NXPE2: variants seen among roughly 807,000 people sequenced by gnomAD.
NXPE2 encodes the protein neurexophilin and PC-esterase domain family member 2.
A neutral mutation model predicts 34.4 loss-of-function variants in NXPE2; 34 were observed. The observed-to-expected ratio is 0.99, with a 90% CI of 0.75 to 1.31. NXPE2 has a LOEUF of 1.31. Among genes scored for constraint, NXPE2 ranks in the 40% most tolerant of loss-of-function variants. NXPE2 has a pLI of 0.00. For synonymous variants in NXPE2, 235 were observed against 231.3 expected (o/e 1.02, Z -0.15); for missense variants, 649 against 672.5 (o/e 0.97, Z 0.39).
At chr11:114,675,685 T>C (rs1454758646), upstream of NXPE2, among the ~76,000 whole-genome samples, 1 of 151,982 alleles carries the variant, frequency 6.6e-6, no homozygotes, top group Non-Finnish European at 1.5e-5. Context: ...CAAAACATTC[T>C]ACAGATTTAA....
the NXPE2 span, chr11:114,583,748 T>C: frequency 2.0e-6 from 1 of 503,504 alleles, no homozygotes; most frequent in Admixed American, 2.2e-5. Flanking sequence ...ACTGCTAAAG[T>C]ATCACCAGAG....
the NXPE2 span, among the ~76,000 whole-genome samples, chr11:114,524,024 C>T: frequency 1.3e-5 from 2 of 152,216 alleles, no homozygotes; most frequent in East Asian, 1.9e-4. Context: ...GTGTCAGGGA[C>T]TCTTGTTCCT....
the NXPE2 span, among the ~76,000 whole-genome samples, chr11:114,561,150 G>T: frequency 6.6e-6 from 1 of 152,146 alleles, no homozygotes; most frequent in African/African-American, 2.4e-5. Flanking sequence ...TAGTTTTGAA[G>T]ATCACAAGTA....
chr11:114,544,789 A>T, the NXPE2 span, among the ~76,000 whole-genome samples: 1 of 152,194 alleles, frequency 6.6e-6, no homozygotes, highest in Non-Finnish European at 1.5e-5. Context: ...GAGATAAGCC[A>T]TAGAGTGTGA....
the NXPE2 span, among the ~76,000 whole-genome samples, chr11:114,472,556 A>C: frequency 2.0e-5 from 3 of 152,330 alleles, 1 homozygote; most frequent in Middle Eastern, 0.01. Context: ...GCAGGCTGCT[A>C]TAACAAAATA....
At chr11:114,653,313 G>A in the NXPE2 span, among the ~76,000 whole-genome samples, 5 of 152,300 alleles carry the variant, frequency 3.3e-5, no homozygotes, top group Middle Eastern at 6.8e-3. Context: ...CAAGAAAGCA[G>A]CAGCCATCTC....
chr11:114,722,943 G>C, the NXPE2 span, among the ~76,000 whole-genome samples: 1 of 152,074 alleles, frequency 6.6e-6, no homozygotes, highest in Non-Finnish European at 1.5e-5. Context: ...GAAAATGAAA[G>C]CTCTTTCTCA....
chr11:114,795,005 A>G, the NXPE2 span, among the ~76,000 whole-genome samples: 1 of 152,226 alleles, frequency 6.6e-6, no homozygotes, highest in Non-Finnish European at 1.5e-5. Flanking sequence ...CAACAAGATG[A>G]TGCCTAAAAA....
chr11:114,469,524 C>T, the NXPE2 span, among the ~76,000 whole-genome samples: 1 of 151,704 alleles, frequency 6.6e-6, no homozygotes, highest in Non-Finnish European at 1.5e-5. Context: ...GAGTCTCGCA[C>T]TCTCGCCTGG....
the NXPE2 span, among the ~76,000 whole-genome samples, chr11:114,642,409 G>A: frequency 2.0e-5 from 3 of 151,908 alleles, no homozygotes; most frequent in Non-Finnish European, 4.4e-5. Context: ...TTCTCCTAAT[G>A]CTATCCCTCC....
chr11:114,678,651 G>T, intron 1 of NXPE2, 50 bp downstream of exon 1: 1 of 1,422,332 alleles, frequency 7.0e-7, no homozygotes, highest in Non-Finnish European at 9.7e-7. Flanking sequence ...GGGAAGGGAG[G>T]GGAGAACTAT....
chr11:114,602,954 CAT>C, the NXPE2 span, among the ~76,000 whole-genome samples: 3 of 149,488 alleles, frequency 2.0e-5, no homozygotes, highest in East Asian at 2.0e-4. Context: ...ATAATTATCT[CAT>C]ATACAATTAC....
the NXPE2 span, among the ~76,000 whole-genome samples, chr11:114,614,396 C>G: frequency 6.6e-6 from 1 of 151,024 alleles, no homozygotes; most frequent in African/African-American, 2.4e-5. Flanking sequence ...AGTGTAGCCT[C>G]TAGGGTAACC....
the NXPE2 span, among the ~76,000 whole-genome samples, chr11:114,786,355 ACC>A: frequency 7.9e-6 from 1 of 127,220 alleles, no homozygotes; most frequent in African/African-American, 2.9e-5. Flanking sequence ...AGATCTTTCT[ACC>A]CCCGCCCCCC....
the NXPE2 span, among the ~76,000 whole-genome samples, chr11:114,634,872 T>C: frequency 2.6e-5 from 4 of 152,016 alleles, no homozygotes; most frequent in African/African-American, 9.7e-5. Context: ...TGTAGCCGTG[T>C]AGTATAGTTT....
At chr11:114,678,363 C>T, upstream of NXPE2, 1 of 449,690 alleles carries the variant, frequency 2.2e-6, no homozygotes, top group Non-Finnish European at 4.0e-6. Context: ...TTCCTCATGG[C>T]TTTTTCCTTC....
At chr11:114,756,490 AGT>A in the NXPE2 span, among the ~76,000 whole-genome samples, 1 of 152,208 alleles carries the variant, frequency 6.6e-6, no homozygotes, top group African/African-American at 2.4e-5. Context: ...GACATCCTAA[AGT>A]GTGATTTCTT....
At chr11:114,498,141 T>C in the NXPE2 span, among the ~76,000 whole-genome samples, 1 of 152,238 alleles carries the variant, frequency 6.6e-6, no homozygotes, top group South Asian at 2.1e-4. Context: ...TATTGCTGAT[T>C]TTTGTATCTT....
the NXPE2 span, among the ~76,000 whole-genome samples, chr11:114,607,360 C>G: frequency 1.3e-5 from 2 of 152,044 alleles, no homozygotes; most frequent in South Asian, 4.1e-4. Flanking sequence ...TGGGTAACCA[C>G]TGTTATCCGG....
Sources: allele counts gnomAD v4.1 joint callset (sites outside exome capture counted in the v4.1 genomes callset), GRCh38; gene constraint gnomAD v4.1.1; transcripts MANE v1.5; gene names NCBI Gene and HGNC (gene_info 2026-07-23, HGNC 2026-07-21).